Variants in NELL1 observed in about 807,000 individuals in gnomAD.
NELL1 encodes neural EGFL like 1, also known as protein kinase C-binding protein NELL1.
Under a neutral mutation model 107.4 loss-of-function variants are expected in NELL1, and 76 were observed. The observed-to-expected ratio is 0.71, with a 90% CI of 0.59 to 0.86. The LOEUF (loss-of-function observed/expected upper bound fraction) is 0.86, where lower values mean the gene tolerates loss of function less well. NELL1 is among the 40% of genes least tolerant of loss of function. NELL1 has a pLI of 0.00. For synonymous variants in NELL1, 353 were observed against 341.2 expected (o/e 1.03, Z -0.38); for missense variants, 1,024 against 1,005.5 (o/e 1.02, Z -0.25).
chr11:20,964,424 A>C (rs187576205), intron 12 of NELL1, among the ~76,000 whole-genome samples: 143 of 152,314 alleles, frequency 9.4e-4, no homozygotes, highest in Non-Finnish European at 1.6e-3. Flanking sequence ...ATTAACATTA[A>C]ATGATAATAC....
chr11:20,873,271 A>C (rs1388915910), intron 4 of NELL1, among the ~76,000 whole-genome samples: 1 of 152,064 alleles, frequency 6.6e-6, no homozygotes, highest in Non-Finnish European at 1.5e-5. Context: ...CTAGGGAGTG[A>C]TTTCACAGGT....
chr11:20,715,242 A>G (rs1173997143), intron 2 of NELL1, among the ~76,000 whole-genome samples: 4 of 151,796 alleles, frequency 2.6e-5, no homozygotes, highest in African/African-American at 4.8e-5. Context: ...AGAAAAAAAA[A>G]ATTATATATT....
At chr11:21,165,064 T>C (rs1490001039) in intron 13 of NELL1, among the ~76,000 whole-genome samples, 1 of 152,224 alleles carries the variant, frequency 6.6e-6, no homozygotes, top group Non-Finnish European at 1.5e-5. Context: ...TAATTATTCA[T>C]GTTGAGTTAT....
chr11:21,101,983 G>A (rs1008283594), intron 12 of NELL1, among the ~76,000 whole-genome samples: 4 of 152,096 alleles, frequency 2.6e-5, no homozygotes, highest in African/African-American at 9.7e-5. Context: ...CTCCTGAGTG[G>A]CTGGGATTAC....
chr11:21,184,163 A>T (rs186098867), intron 13 of NELL1, among the ~76,000 whole-genome samples: 1 of 151,892 alleles, frequency 6.6e-6, no homozygotes, highest in African/African-American at 2.4e-5. Context: ...TTGTAAAATG[A>T]AGTGATTGGT....
intron 4 of NELL1, among the ~76,000 whole-genome samples, chr11:20,857,582 G>A (rs572578771): frequency 1.3e-5 from 2 of 152,310 alleles, no homozygotes; most frequent in Non-Finnish European, 2.9e-5. Flanking sequence ...GAAGCAGCTG[G>A]AAGGACACAG....
rs566234275 is a variant in NELL1 at position 21,429,824 on chromosome 11, A to AT, written c.1645+58883dup. ...GTGGGTTCACAAGAGTTCAGAGAGCATTTTTTTGCCAGGAACACTAAAACC... is the reference window on the plus strand; with the variant it reads ...GTGGGTTCACAAGAGTTCAGAGAGCATTTTTTTTGCCAGGAACACTAAAACC... On this transcript the variant is annotated intron_variant, in intron 15 of 19. Coordinates refer to ENST00000357134, the MANE Select transcript of NELL1 (RefSeq NM_006157.5). Among the ~76,000 whole-genome samples the AT allele has an allele frequency of 1.1e-3, 164 of 152,216 alleles. 1 individual carries two copies. The highest frequency in any genetic ancestry group is 3.6e-3 in the African/African-American group (150 of 41,536).
chr11:20,801,977 T>C (rs1265632851), intron 3 of NELL1, among the ~76,000 whole-genome samples: 2 of 152,228 alleles, frequency 1.3e-5, no homozygotes, highest in Non-Finnish European at 2.9e-5. Context: ...GCCATTTGGG[T>C]TACTATAGCT....
At chr11:21,368,728 A>C (rs775556292) in intron 14 of NELL1, among the ~76,000 whole-genome samples, 1 of 152,118 alleles carries the variant, frequency 6.6e-6, no homozygotes, top group Non-Finnish European at 1.5e-5. Flanking sequence ...TTGTATGATG[A>C]TGATTACATT....
chr11:20,701,023 C>T (rs1174884537), intron 2 of NELL1, among the ~76,000 whole-genome samples: 1 of 152,108 alleles, frequency 6.6e-6, no homozygotes, highest in Non-Finnish European at 1.5e-5. Flanking sequence ...GGTATGTACT[C>T]AGTAATGGGA....
intron 2 of NELL1, among the ~76,000 whole-genome samples, chr11:20,715,832 A>C (rs1178236861): frequency 6.6e-6 from 1 of 152,056 alleles, no homozygotes; most frequent in African/African-American, 2.4e-5. Context: ...TGGGGCCACA[A>C]TTTAATAGGC....
chr11:20,753,158 C>T (rs1290821964), intron 2 of NELL1, among the ~76,000 whole-genome samples: 2 of 152,138 alleles, frequency 1.3e-5, no homozygotes, highest in Non-Finnish European at 2.9e-5. Context: ...TCCAAAGAAA[C>T]AGAACAAATT....
intron 15 of NELL1, among the ~76,000 whole-genome samples, chr11:21,508,816 T>A (rs78306952): frequency 0.087 from 13,282 of 151,932 alleles, 891 homozygotes; most frequent in East Asian, 0.3. Context: ...ATGTTAGATA[T>A]AGGACTTCTA....
chr11:21,453,483 T>C (rs1853639349), intron 15 of NELL1, among the ~76,000 whole-genome samples: 1 of 152,144 alleles, frequency 6.6e-6, no homozygotes, highest in East Asian at 1.9e-4. Context: ...TTAGTATACA[T>C]TTTATGTCTC....
intron 5 of NELL1, among the ~76,000 whole-genome samples, chr11:20,902,305 C>A (rs1849893695): frequency 6.6e-6 from 1 of 150,852 alleles, no homozygotes; most frequent in African/African-American, 2.4e-5. Flanking sequence ...GGAAGTCAGA[C>A]AAAAGATATA....
chr11:21,405,834 G>A (rs1852221656), intron 15 of NELL1, among the ~76,000 whole-genome samples: 1 of 151,824 alleles, frequency 6.6e-6, no homozygotes, highest in Non-Finnish European at 1.5e-5. Context: ...TCCTTTCTTT[G>A]CAAGCCTGCC....
intron 13 of NELL1, among the ~76,000 whole-genome samples, chr11:21,156,882 A>G (rs1322052304): frequency 4.0e-5 from 6 of 151,544 alleles, no homozygotes; most frequent in Admixed American, 3.9e-4. Flanking sequence ...CACTTGAGGC[A>G]AGGAGTTTGA....
chr11:21,055,104 A>C (rs1853582320), intron 12 of NELL1, among the ~76,000 whole-genome samples: 1 of 152,026 alleles, frequency 6.6e-6, no homozygotes, highest in African/African-American at 2.4e-5. Context: ...AGTTGATCAA[A>C]TGTACCAGAA....
chr11:21,438,642 TC>T (rs1041769217), intron 15 of NELL1, among the ~76,000 whole-genome samples: 17 of 152,116 alleles, frequency 1.1e-4, no homozygotes, highest in African/African-American at 4.1e-4. Context: ...ATGCAGGCTT[TC>T]TTCATTTCTT....
Sources: gnomAD v4.1 joint callset for allele counts (sites outside exome capture counted in the v4.1 genomes callset) on GRCh38, gnomAD v4.1.1 for gene constraint, MANE v1.5 for transcripts, NCBI Gene and HGNC (gene_info 2026-07-23, HGNC 2026-07-21) for gene names.